Variants in LINGO2 observed in about 807,000 individuals in gnomAD.
LINGO2 encodes leucine-rich repeat and immunoglobulin-like domain-containing nogo receptor-interacting protein 2.
Under a neutral mutation model 30.6 loss-of-function variants are expected in LINGO2, and 14 were observed. The ratio of observed to expected loss-of-function variants is 0.46; its 90% CI spans 0.30 to 0.72. The LOEUF (loss-of-function observed/expected upper bound fraction) is 0.72. Among genes scored for constraint, LINGO2 ranks in the 30% least tolerant of loss-of-function variants. The pLI is 0.07. For missense variants in LINGO2, 729 were observed against 751.7 expected (o/e 0.97, Z 0.35); for synonymous variants, 317 against 288.5 (o/e 1.10, Z -1.00).
the LINGO2 span, among the ~76,000 whole-genome samples, chr9:28,705,489 G>A: frequency 6.6e-6 from 1 of 151,922 alleles, no homozygotes; most frequent in African/African-American, 2.4e-5. Flanking sequence ...ATATCAGTTG[G>A]GACCTGATAA....
At chr9:28,052,371 G>A (rs547342751) in intron 4 of LINGO2, among the ~76,000 whole-genome samples, 4 of 152,208 alleles carry the variant, frequency 2.6e-5, no homozygotes, top group South Asian at 4.2e-4. Flanking sequence ...GCTTTAACAC[G>A]AAGCACATTG....
intron 4 of LINGO2, among the ~76,000 whole-genome samples, chr9:28,110,540 A>C: frequency 6.6e-6 from 1 of 152,034 alleles, no homozygotes. Context: ...AACCTAAACA[A>C]ATTTACAAGA....
the LINGO2 span, among the ~76,000 whole-genome samples, chr9:29,210,486 T>C: frequency 2.0e-5 from 3 of 152,132 alleles, no homozygotes; most frequent in African/African-American, 7.2e-5. Flanking sequence ...TTTCACACCA[T>C]AAAAATTTCT....
At chr9:28,784,813 G>A in the LINGO2 span, among the ~76,000 whole-genome samples, 14 of 152,112 alleles carry the variant, frequency 9.2e-5, no homozygotes, top group Admixed American at 4.6e-4. Flanking sequence ...TTAGCTGGGC[G>A]TGGTGGCGTG....
chr9:28,918,203 G>C, the LINGO2 span, among the ~76,000 whole-genome samples: 2 of 152,106 alleles, frequency 1.3e-5, no homozygotes, highest in African/African-American at 2.4e-5. Flanking sequence ...TTCTTACATG[G>C]TGGCGGCAAG....
the LINGO2 span, among the ~76,000 whole-genome samples, chr9:28,995,642 T>C: frequency 1.3e-5 from 2 of 152,196 alleles, no homozygotes; most frequent in East Asian, 1.9e-4. Context: ...AATGACAGAC[T>C]GGATTAAGAA....
chr9:28,933,342 T>G, the LINGO2 span, among the ~76,000 whole-genome samples: 1 of 152,228 alleles, frequency 6.6e-6, no homozygotes, highest in African/African-American at 2.4e-5. Context: ...TTTTGCAAAC[T>G]CTTTGAAAAT....
At chr9:29,029,775 C>T in the LINGO2 span, among the ~76,000 whole-genome samples, 2 of 152,062 alleles carry the variant, frequency 1.3e-5, no homozygotes, top group Non-Finnish European at 2.9e-5. Context: ...GCAAGACTCT[C>T]CTCTCTTTTC....
At chr9:28,686,214 G>A in the LINGO2 span, among the ~76,000 whole-genome samples, 68 of 151,978 alleles carry the variant, frequency 4.5e-4, no homozygotes, top group African/African-American at 1.4e-3. Context: ...GACATTCTAC[G>A]TACAATGTAA....
chr9:28,339,631 C>T (rs1046950857), intron 3 of LINGO2, among the ~76,000 whole-genome samples: 9 of 152,182 alleles, frequency 5.9e-5, no homozygotes, highest in Middle Eastern at 3.4e-3. Flanking sequence ...TAGGATCTAT[C>T]GACTGAGAAA....
At chr9:28,348,061 T>A (rs562094711) in intron 3 of LINGO2, among the ~76,000 whole-genome samples, 1 of 152,228 alleles carries the variant, frequency 6.6e-6, no homozygotes, top group Non-Finnish European at 1.5e-5. Flanking sequence ...GGTCATAGGA[T>A]TGTAGGTATA....
At chr9:28,753,665 G>A in the LINGO2 span, among the ~76,000 whole-genome samples, 8 of 151,976 alleles carry the variant, frequency 5.3e-5, no homozygotes, top group Non-Finnish European at 8.8e-5. Context: ...AAAGGAGAGA[G>A]CATTTGGAAA....
intron 3 of LINGO2, among the ~76,000 whole-genome samples, chr9:28,358,424 T>G (rs1157190344): frequency 6.6e-6 from 1 of 152,140 alleles, no homozygotes; most frequent in Admixed American, 6.6e-5. Context: ...ATTTTTTAAT[T>G]GATCAGTCAC....
the LINGO2 span, among the ~76,000 whole-genome samples, chr9:28,839,138 C>T: frequency 5.3e-5 from 8 of 152,202 alleles, no homozygotes; most frequent in Non-Finnish European, 1.2e-4. Flanking sequence ...GGGGCTGCAG[C>T]TCTTCTCTCT....
intron 5 of LINGO2, among the ~76,000 whole-genome samples, chr9:27,990,470 C>CTG (rs77923539): frequency 2.0e-5 from 3 of 146,832 alleles, no homozygotes; most frequent in Admixed American, 6.8e-5. Context: ...ATACCCCCCC[C>CTG]CCTTTTATTT....
the LINGO2 span, among the ~76,000 whole-genome samples, chr9:29,057,827 C>T: frequency 6.6e-6 from 1 of 152,158 alleles, no homozygotes; most frequent in African/African-American, 2.4e-5. Context: ...ATTAGAGTTC[C>T]TTCTAATCAG....
chr9:28,860,190 T>A, the LINGO2 span, among the ~76,000 whole-genome samples: 1 of 152,054 alleles, frequency 6.6e-6, no homozygotes, highest in African/African-American at 2.4e-5. Context: ...AAAATACCAT[T>A]TTTACTGTGA....
chr9:28,294,086 T>G (rs981895948), intron 4 of LINGO2, among the ~76,000 whole-genome samples: 24 of 152,226 alleles, frequency 1.6e-4, no homozygotes, highest in African/African-American at 5.8e-4. Flanking sequence ...TTTGTAGATA[T>G]TTGGGTTTTA....
At chr9:28,771,884 C>T in the LINGO2 span, among the ~76,000 whole-genome samples, 1 of 152,052 alleles carries the variant, frequency 6.6e-6, no homozygotes, top group Non-Finnish European at 1.5e-5. Flanking sequence ...CAAAATCTCT[C>T]ATTTTTTAAC....
Sources: allele counts gnomAD v4.1 joint callset (sites outside exome capture counted in the v4.1 genomes callset), GRCh38; gene constraint gnomAD v4.1.1; transcripts MANE v1.5; gene names NCBI Gene and HGNC (gene_info 2026-07-23, HGNC 2026-07-21).